LRIG1: variants seen among roughly 807,000 people sequenced by gnomAD.
LRIG1 encodes leucine-rich repeats and immunoglobulin-like domains protein 1.
Under a neutral mutation model 99.2 loss-of-function variants are expected in LRIG1, and 48 were observed. That is an observed-to-expected ratio of 0.48 (90% CI 0.38 to 0.62). The LOEUF is 0.62. LRIG1 is among the 20% of genes least tolerant of loss of function. The pLI, the probability that LRIG1 is intolerant of heterozygous loss-of-function variation, is 0.00. For missense variants in LRIG1, 1,646 were observed against 1,434.4 expected (o/e 1.15, Z -2.38); for synonymous variants, 772 against 596.1 (o/e 1.29, Z -4.30).
chr3:66,433,848 C>G (rs1703257350), intron 3 of LRIG1, among the ~76,000 whole-genome samples: 1 of 152,234 alleles, frequency 6.6e-6, no homozygotes, highest in African/African-American at 2.4e-5. Context: ...CAACCCGTGC[C>G]TTGTCCATGC....
chr3:66,382,944 T>A (rs368771190), intron 15 of LRIG1, 38 bp downstream of exon 15: 33 of 1,556,868 alleles, frequency 2.1e-5, no homozygotes, highest in African/African-American at 2.7e-5. Context: ...CTGCCATTCC[T>A]CCCTCCTTGA....
At chr3:66,457,922 C>T (rs982705407) in intron 2 of LRIG1, among the ~76,000 whole-genome samples, 1 of 152,164 alleles carries the variant, frequency 6.6e-6, no homozygotes, top group African/African-American at 2.4e-5. Context: ...TCAGCCAAAT[C>T]CCATGCCTCA....
intron 1 of LRIG1, among the ~76,000 whole-genome samples, chr3:66,474,899 A>G (rs1700683984): frequency 6.6e-6 from 1 of 152,220 alleles, no homozygotes; most frequent in South Asian, 2.1e-4. Context: ...TCAAAAGTCA[A>G]TTATCAGTAA....
chr3:66,442,448 GGGA>G (rs138317719), intron 3 of LRIG1, among the ~76,000 whole-genome samples: 29 of 151,644 alleles, frequency 1.9e-4, no homozygotes, highest in South Asian at 1.0e-3. Flanking sequence ...AGTGAGGAGG[GGGA>G]GGAGGAGGAG....
chr3:66,414,264 GT>G (rs1191110267), intron 5 of LRIG1, among the ~76,000 whole-genome samples: 2 of 152,124 alleles, frequency 1.3e-5, no homozygotes, highest in African/African-American at 4.8e-5. Flanking sequence ...AGGCATGGTG[GT>G]GGGTGCCTGT....
Position 66,378,953 on chromosome 3 carries a change from A to G in LRIG1, c.*1310T>C, listed in dbSNP as rs1258799807. The stretch of plus-strand genomic sequence containing the variant: ...TACTCCCTCTTTCACATTGCCTCTC[A>G]GAAGCAGCAAATTCACATATTTTGT... On this transcript the variant is annotated 3_prime_UTR_variant, in exon 19 of 19. Transcript: ENST00000273261. 1 of 152,672 alleles carries G rather than the reference A, an allele frequency of 6.5e-6. No individual in the cohort carries two copies. The highest frequency in any genetic ancestry group is 1.5e-5 in the Non-Finnish European group (1 of 68,038). 9.5% of individuals were successfully genotyped at this position (152,672 alleles called of 1,614,324 possible).
intron 4 of LRIG1, among the ~76,000 whole-genome samples, chr3:66,415,298 T>C (rs1051490136): frequency 1.4e-4 from 21 of 152,252 alleles, no homozygotes; most frequent in African/African-American, 5.1e-4. Flanking sequence ...GAAAGCATAC[T>C]GTCCTTGAAG....
intron 1 of LRIG1, among the ~76,000 whole-genome samples, chr3:66,476,936 G>A (rs904982711): frequency 2.0e-5 from 3 of 152,190 alleles, no homozygotes; most frequent in African/African-American, 7.2e-5. Context: ...AAATTGTGAT[G>A]GCAACTGATG....
At chr3:66,458,617 A>G (rs1700282284) in intron 2 of LRIG1, among the ~76,000 whole-genome samples, 1 of 152,152 alleles carries the variant, frequency 6.6e-6, no homozygotes, top group South Asian at 2.1e-4. Context: ...CATGAGAATC[A>G]CTTGAACCCA....
chr3:66,488,479 A>C (rs1238394119), intron 1 of LRIG1, among the ~76,000 whole-genome samples: 2 of 151,584 alleles, frequency 1.3e-5, no homozygotes, highest in Middle Eastern at 3.4e-3. Flanking sequence ...AAAAACAAAA[A>C]AAAAAAAATT....
chr3:66,413,854 A>G (rs1702541995), intron 5 of LRIG1, among the ~76,000 whole-genome samples: 1 of 152,172 alleles, frequency 6.6e-6, no homozygotes, highest in African/African-American at 2.4e-5. Flanking sequence ...AGAGCCAGGC[A>G]CACCCCGTCG....
intron 15 of LRIG1, 125 bp from the exon 16 acceptor site, chr3:66,382,523 G>A: frequency 1.8e-6 from 2 of 1,086,894 alleles, no homozygotes; most frequent in African/African-American, 2.1e-5. Context: ...GCAGAGAGAT[G>A]ACATGGAGTC....
chr3:66,496,710 C>T lies in LRIG1; in HGVS notation c.218+3480G>A, dbSNP rs530497704. On this transcript the variant is annotated intron_variant, in intron 1 of 18. Transcript: ENST00000273261. Reference sequence around the variant, plus strand: ...AAGTGATATGGAGAAGGAAATATTTCAGGACCATCCATACAACAATCTACT... The same window carrying T: ...AAGTGATATGGAGAAGGAAATATTTTAGGACCATCCATACAACAATCTACT... Among the ~76,000 whole-genome samples the T allele has an allele frequency of 3.5e-4, 54 of 152,148 alleles. No homozygotes were observed. In the South Asian group the frequency reaches 0.011, roughly 31 times the overall value.
intron 1 of LRIG1, among the ~76,000 whole-genome samples, chr3:66,471,270 C>T (rs1374933373): frequency 2.0e-5 from 3 of 152,168 alleles, no homozygotes; most frequent in African/African-American, 7.2e-5. Context: ...TCAGGATCGC[C>T]TATTCTCTAC....
rs1306171028 is a variant in LRIG1, at chr3:66,385,983, T to C, written c.1787A>G (p.Asn596Ser). 5 of 1,613,168 alleles carry C rather than the reference T, an allele frequency of 3.1e-6. No individual in the cohort carries two copies. Among genetic ancestry groups the C allele is most frequent in the Non-Finnish European group, 3.4e-6 (4 of 1,179,298 alleles). Residue 596 changes from asparagine (N) to serine (S), a missense_variant and splice_region_variant, in exon 13 of 19, where the codon AAT becomes AGT. Transcript: ENST00000273261. Reference protein sequence around the residue: ...TYSHKARLTVNVLPSFTKTPH... With the variant: ...TYSHKARLTVSVLPSFTKTPH... ...TAACAAAGATGGTGTTTCCATACCA[T>C]TCACGGTGAGCCTGGCCTTATGTGA...
chr3:66,474,477 C>T (rs1700673188), intron 1 of LRIG1, among the ~76,000 whole-genome samples: 1 of 151,980 alleles, frequency 6.6e-6, no homozygotes, highest in Non-Finnish European at 1.5e-5. Flanking sequence ...TCCTGAATAG[C>T]TGGGATTACA....
At chr3:66,392,967 A>G (rs937214793) in intron 12 of LRIG1, among the ~76,000 whole-genome samples, 1 of 152,210 alleles carries the variant, frequency 6.6e-6, no homozygotes, top group Non-Finnish European at 1.5e-5. Context: ...AGCTGCTGCC[A>G]TGTTCGCAGT....
At chr3:66,467,085 A>C (rs1700489273) in intron 1 of LRIG1, among the ~76,000 whole-genome samples, 1 of 152,168 alleles carries the variant, frequency 6.6e-6, no homozygotes, top group Non-Finnish European at 1.5e-5. Context: ...ACCTCTGCAG[A>C]GGACAGCTCA....
intron 3 of LRIG1, among the ~76,000 whole-genome samples, chr3:66,434,550 C>T (rs960752771): frequency 6.6e-6 from 1 of 152,012 alleles, no homozygotes; most frequent in Non-Finnish European, 1.5e-5. Flanking sequence ...AGTTCAAGAC[C>T]AGCCTGACCA....
Sources: allele counts gnomAD v4.1 joint callset (sites outside exome capture counted in the v4.1 genomes callset), GRCh38; gene constraint gnomAD v4.1.1; transcripts MANE v1.5; gene names NCBI Gene and HGNC (gene_info 2026-07-23, HGNC 2026-07-21).